Variants in ABI3BP observed in about 807,000 individuals in gnomAD.
ABI3BP encodes ABI family member 3 binding protein, also known as target of Nesh-SH3.
Under a neutral mutation model 268.6 loss-of-function variants are expected in ABI3BP, and 216 were observed. The ratio of observed to expected loss-of-function variants is 0.80; its 90% CI spans 0.72 to 0.90. The LOEUF (loss-of-function observed/expected upper bound fraction) is 0.90. Ranked by LOEUF, ABI3BP falls within the 40% of genes least tolerant of loss-of-function variation. The pLI, the probability that ABI3BP is intolerant of heterozygous loss-of-function variation, is 0.00. For synonymous variants in ABI3BP, 730 were observed against 730.0 expected (o/e 1.00, Z 0.00); for missense variants, 2,090 against 2,182.4 (o/e 0.96, Z 0.84).
At chr3:100,971,790 A>C (rs1365758733) in intron 1 of ABI3BP, among the ~76,000 whole-genome samples, 1 of 152,224 alleles carries the variant, frequency 6.6e-6, no homozygotes, top group Non-Finnish European at 1.5e-5. Flanking sequence ...TCATCTGCTC[A>C]TCAAGATGTG....
intron 49 of ABI3BP, among the ~76,000 whole-genome samples, chr3:100,808,683 A>T (rs1489470668): frequency 6.6e-6 from 1 of 152,028 alleles, no homozygotes; most frequent in Non-Finnish European, 1.5e-5. Context: ...GCTAATGGAA[A>T]AATTAATCTT....
intron 1 of ABI3BP, among the ~76,000 whole-genome samples, chr3:100,973,014 C>G (rs1364305348): frequency 6.6e-6 from 1 of 152,158 alleles, no homozygotes; most frequent in African/African-American, 2.4e-5. Flanking sequence ...GTCCTTTTCA[C>G]AGTTGACATA....
At chr3:100,900,778 T>C (rs1159867120) in intron 3 of ABI3BP, among the ~76,000 whole-genome samples, 1 of 152,150 alleles carries the variant, frequency 6.6e-6, no homozygotes, top group Non-Finnish European at 1.5e-5. Context: ...ATATCCGCTA[T>C]CCAAAAAGAA....
chr3:100,811,415 T>C, intron 47 of ABI3BP, 138 bp from the exon 48 acceptor site: 1 of 673,614 alleles, frequency 1.5e-6, no homozygotes. Context: ...GAAAAAAGAA[T>C]TGGGAGAAAA....
chr3:100,906,321 C>A (rs1447669312), intron 2 of ABI3BP, among the ~76,000 whole-genome samples: 2 of 152,166 alleles, frequency 1.3e-5, no homozygotes, highest in African/African-American at 4.8e-5. Flanking sequence ...GCTGTTACAG[C>A]CAATTACAAA....
chr3:100,825,983 T>A, intron 34 of ABI3BP, 139 bp from the exon 35 acceptor site: 1 of 674,866 alleles, frequency 1.5e-6, no homozygotes, highest in Admixed American at 2.3e-5. Flanking sequence ...GACTGAATTA[T>A]ATTTCCACCC....
intron 1 of ABI3BP, among the ~76,000 whole-genome samples, chr3:100,988,051 T>C (rs1489101026): frequency 6.6e-6 from 1 of 152,190 alleles, no homozygotes; most frequent in Non-Finnish European, 1.5e-5. Context: ...TACATAAATA[T>C]ATGTTACTCA....
chr3:100,942,718 C>A (rs952286095), intron 1 of ABI3BP, among the ~76,000 whole-genome samples: 1 of 152,102 alleles, frequency 6.6e-6, no homozygotes, highest in Non-Finnish European at 1.5e-5. Flanking sequence ...CAATCAACAT[C>A]ATCTGGGAAC....
At chr3:100,754,030 TCTC>T (rs537134648) in intron 64 of ABI3BP, among the ~76,000 whole-genome samples, 182 bp from the exon 65 acceptor site, 14 of 152,210 alleles carry the variant, frequency 9.2e-5, no homozygotes, top group African/African-American at 2.9e-4. Context: ...GATTGAATAA[TCTC>T]CTGCCTGGTA....
At position 100,801,210 on chromosome 3, in the gene ABI3BP, A is replaced by G. The variant is rs72930700; in HGVS notation, c.3757+3582T>C. ...TACTTTGCTAAGAAACATTTTAAAG[A>G]CTCAAATTGACCTCTCCCAAAAGTC... is the stretch of plus-strand genomic sequence containing the variant. On this transcript the variant is annotated intron_variant, in intron 51 of 67. Coordinates refer to ENST00000471714, the MANE Select transcript of ABI3BP (RefSeq NM_001375547.2). 4.6e-3 allele frequency among the ~76,000 whole-genome samples: 706 copies of G among 151,974 alleles called. 8 individuals carry two copies. Among genetic ancestry groups the G allele is most frequent in the African/African-American group, 0.016 (681 of 41,438 alleles).
At chr3:100,889,367 A>G (rs2043433486) in intron 4 of ABI3BP, among the ~76,000 whole-genome samples, 1 of 152,120 alleles carries the variant, frequency 6.6e-6, no homozygotes, top group Admixed American at 6.6e-5. Flanking sequence ...GGACTCTTTC[A>G]ACTGTGGTGC....
At chr3:100,971,924 C>G (rs961006866) in intron 1 of ABI3BP, among the ~76,000 whole-genome samples, 1 of 152,000 alleles carries the variant, frequency 6.6e-6, no homozygotes, top group Non-Finnish European at 1.5e-5. Context: ...TCTTGCCAGT[C>G]CAATCAACAT....
Position 100,770,874 on chromosome 3 carries a change from T to C in ABI3BP, c.4610A>G (p.Glu1537Gly). 1 of 1,604,290 alleles carries C rather than the reference T, an allele frequency of 6.2e-7. No individual in the cohort carries two copies. The highest frequency in any genetic ancestry group is 8.5e-7 in the Non-Finnish European group (1 of 1,175,314). Residue 1537 changes from glutamate (E) to glycine (G), a missense_variant, in exon 62 of 68, where the codon GAG (glutamate) becomes GGG (glycine). Glu to Gly is a moderately conservative substitution (Grantham distance 98, BLOSUM62 -2). Coordinates refer to ENST00000471714, the MANE Select transcript of ABI3BP (RefSeq NM_001375547.2). ...ITDSVKRFPK[E>G]EATEGNATSP... Reference sequence around the variant, plus strand: ...GGTGGCATTCCCCTCTGTGGCCTCCTCTTTGGGGAACCGTTTGACAGAGTC... The same window carrying C: ...GGTGGCATTCCCCTCTGTGGCCTCCCCTTTGGGGAACCGTTTGACAGAGTC...
chr3:100,907,127 C>G (rs1013630676), intron 2 of ABI3BP, among the ~76,000 whole-genome samples: 3 of 152,172 alleles, frequency 2.0e-5, no homozygotes, highest in African/African-American at 4.8e-5. Flanking sequence ...AAGTACTTAA[C>G]CTCTGTGTAC....
chr3:100,760,801 T>C (rs1472441029), intron 63 of ABI3BP, among the ~76,000 whole-genome samples: 1 of 152,190 alleles, frequency 6.6e-6, no homozygotes, highest in African/African-American at 2.4e-5. Flanking sequence ...AATATTTTTC[T>C]TTTAGTTTAA....
At chr3:100,894,962 AAAAAACAG>A (rs2046858755) in intron 4 of ABI3BP, among the ~76,000 whole-genome samples, 2 of 144,474 alleles carry the variant, frequency 1.4e-5, no homozygotes, top group South Asian at 2.3e-4. Flanking sequence ...AAAAAAAAAA[AAAAAACAG>A]AAAAAAAAAA....
Position 100,811,268 on chromosome 3 carries a change from G to A in ABI3BP, c.3503C>T (p.Ser1168Phe), listed in dbSNP as rs200052697. 1.4e-4 allele frequency: 210 copies of A among 1,534,282 alleles called. 1 individual carries two copies. Among genetic ancestry groups the A allele is most frequent in the Non-Finnish European group, 1.7e-4 (194 of 1,145,812 alleles). ...AGGTGGTTCAGATACATATGTAATA[G>A]ATTCCACAACTGTACCAAAACAAAG... ...PEEPKTEVVE[S>F]ITYVSEPPET... The change falls in exon 48 of 68, where the codon TCT becomes TTT. Residue 1168 changes from serine to phenylalanine, a missense_variant. Physicochemically the swap from Ser to Phe is radical, Grantham distance 155. Coordinates refer to ENST00000471714, the MANE Select transcript of ABI3BP (RefSeq NM_001375547.2).
chr3:100,850,527 T>C (rs1057145440), intron 16 of ABI3BP, 133 bp downstream of exon 16: 12 of 671,834 alleles, frequency 1.8e-5, no homozygotes, highest in Non-Finnish European at 3.1e-5. Flanking sequence ...AATATATAGA[T>C]GTATATATTG....
At chr3:100,910,608 C>T (rs1361063556) in intron 2 of ABI3BP, among the ~76,000 whole-genome samples, 1 of 151,704 alleles carries the variant, frequency 6.6e-6, no homozygotes, top group Non-Finnish European at 1.5e-5. Flanking sequence ...CTCCTGGCCT[C>T]AATAAATTCT....
Sources: allele counts gnomAD v4.1 joint callset (sites outside exome capture counted in the v4.1 genomes callset), GRCh38; gene constraint gnomAD v4.1.1; transcripts MANE v1.5; gene names NCBI Gene and HGNC (gene_info 2026-07-23, HGNC 2026-07-21).